The following CTXND1 variants were observed in gnomAD, a reference collection of about 807,000 sequenced individuals.
CTXND1 encodes the protein cortexin domain-containing 1 protein.
intron 1 of CTXND1, among the ~76,000 whole-genome samples, chr15:80,204,017 G>C (rs949969145): frequency 2.0e-5 from 3 of 150,656 alleles, no homozygotes; most frequent in Non-Finnish European, 4.4e-5. Context: ...AAAAAGTTTA[G>C]CCGGGCGTGG....
At chr15:80,216,264 G>A (rs1893251960) in intron 1 of CTXND1, among the ~76,000 whole-genome samples, 1 of 152,154 alleles carries the variant, frequency 6.6e-6, no homozygotes, top group South Asian at 2.1e-4. Flanking sequence ...ACTTCCTATT[G>A]ATAGTATTTC....
intron 1 of CTXND1, among the ~76,000 whole-genome samples, chr15:80,242,946 T>C (rs906871439): frequency 1.8e-4 from 27 of 152,226 alleles, no homozygotes; most frequent in Non-Finnish European, 2.9e-5. Context: ...AGAAGTAGGC[T>C]GTGAGTTAGA....
chr15:80,248,416 T>G (rs1893658702), intron 1 of CTXND1, among the ~76,000 whole-genome samples: 1 of 152,164 alleles, frequency 6.6e-6, no homozygotes, highest in Non-Finnish European at 1.5e-5. Flanking sequence ...GAAAGGTACA[T>G]TAGGGAAACA....
chr15:80,247,691 A>G (rs1453359738), intron 1 of CTXND1, among the ~76,000 whole-genome samples: 2 of 152,200 alleles, frequency 1.3e-5, no homozygotes, highest in Non-Finnish European at 2.9e-5. Flanking sequence ...GGGCATGCAT[A>G]TTGATTAACA....
chr15:80,236,181 T>C (rs1893493414), intron 1 of CTXND1, among the ~76,000 whole-genome samples: 1 of 152,018 alleles, frequency 6.6e-6, no homozygotes, highest in South Asian at 2.1e-4. Context: ...CATCTTCCTT[T>C]TACTTCCTTT....
Position 80,199,263 on chromosome 15 carries a change from T to C in CTXND1, c.*2507A>G, listed in dbSNP as rs1306707679. Reference sequence around the variant, plus strand: ...ACCTAGCGAATCTTGCTAATATACATTCTGTACGTAGGTCTGGAGGGGGCT... The same window carrying C: ...ACCTAGCGAATCTTGCTAATATACACTCTGTACGTAGGTCTGGAGGGGGCT... On this transcript the variant is annotated 3_prime_UTR_variant, in exon 3 of 3. Transcript: ENST00000560778. 1.3e-5 allele frequency: 2 copies of C among 152,206 alleles called. No individual in the cohort carries two copies. The highest frequency in any genetic ancestry group is 3.9e-4 in the East Asian group (2 of 5,190). 9.4% of individuals were successfully genotyped at this position (152,206 alleles called of 1,614,324 possible). A position where few individuals can be genotyped will look rare whatever the true frequency, so the allele number is the denominator to read the frequency against.
At position 80,212,523 on chromosome 15, in the gene CTXND1, C is replaced by T. The variant is rs1003784349; in HGVS notation, c.-217-8783G>A. Among the ~76,000 whole-genome samples, 6 of 152,134 alleles carry T rather than the reference C, an allele frequency of 3.9e-5. No homozygotes were observed. The East Asian group carries it at 1.2e-3, about 29-fold the overall frequency. ...GGATATTCACTGTTGGGAAAGTATG[C>T]TCTGGAGAGAAAGCCAAAGGTGGGA... On this transcript the variant is annotated intron_variant, in intron 1 of 2. Coordinates refer to ENST00000560778, the MANE Select transcript of CTXND1 (RefSeq NM_001352888.2).
At chr15:80,242,120 T>A (rs1009947482) in intron 1 of CTXND1, among the ~76,000 whole-genome samples, 23 of 152,140 alleles carry the variant, frequency 1.5e-4, no homozygotes, top group African/African-American at 5.1e-4. Context: ...TTATGTAGGT[T>A]GAGAGAGACA....
intron 1 of CTXND1, among the ~76,000 whole-genome samples, chr15:80,245,127 G>T (rs1893613953): frequency 1.3e-5 from 2 of 152,132 alleles, no homozygotes; most frequent in Admixed American, 6.5e-5. Flanking sequence ...ATTACACAGA[G>T]GGATCGTAAG....
chr15:80,215,440 A>T (rs1893243355), intron 1 of CTXND1, among the ~76,000 whole-genome samples: 1 of 152,204 alleles, frequency 6.6e-6, no homozygotes, highest in Non-Finnish European at 1.5e-5. Context: ...CGGTTTATTC[A>T]TGCCTTCCAG....
intron 1 of CTXND1, among the ~76,000 whole-genome samples, chr15:80,246,465 A>G (rs563387305): frequency 3.2e-4 from 49 of 152,352 alleles, no homozygotes; most frequent in Admixed American, 1.1e-3. Context: ...TGGACAGGGA[A>G]GCTTTGGCTA....
chr15:80,213,978 A>T (rs935021843), intron 1 of CTXND1, among the ~76,000 whole-genome samples: 2 of 152,126 alleles, frequency 1.3e-5, no homozygotes, highest in African/African-American at 2.4e-5. Flanking sequence ...GGAAAGGCAT[A>T]TAGAGAATAA....
chr15:80,226,307 G>T lies in CTXND1; in HGVS notation c.-217-22567C>A, dbSNP rs192379808. 1.8e-4 allele frequency among the ~76,000 whole-genome samples: 28 copies of T among 152,306 alleles called. No homozygotes were observed. In the East Asian group the frequency reaches 5.0e-3, roughly 27 times the overall value. ...CAACCTGCCTAAATCTGCTGCTGAG[G>T]TCTCAGGAGGGTCTTTTTGCTCAGT... On this transcript the variant is annotated intron_variant, in intron 1 of 2. Coordinates refer to ENST00000560778, the MANE Select transcript of CTXND1 (RefSeq NM_001352888.2).
At chr15:80,230,017 C>A (rs78712434) in intron 1 of CTXND1, among the ~76,000 whole-genome samples, 2,525 of 152,238 alleles carry the variant, frequency 0.017, 64 homozygotes, top group African/African-American at 0.057. Context: ...GACTCCTGGT[C>A]ATGTTCAGAA....
intron 1 of CTXND1, among the ~76,000 whole-genome samples, chr15:80,231,404 G>GA (rs57955140): frequency 0.031 from 4,160 of 134,866 alleles, 163 homozygotes; most frequent in African/African-American, 0.1. Context: ...AAAAAGAAAA[G>GA]AAAAAAAAAA....
chr15:80,212,540 A>G (rs751732218), intron 1 of CTXND1, among the ~76,000 whole-genome samples: 1 of 152,186 alleles, frequency 6.6e-6, no homozygotes, highest in Non-Finnish European at 1.5e-5. Flanking sequence ...GAGAAAGCCA[A>G]AGGTGGGACT....
intron 2 of CTXND1, 66 bp from the exon 3 acceptor site, chr15:80,202,080 C>G (rs967611042): frequency 5.3e-5 from 21 of 397,226 alleles, no homozygotes; most frequent in African/African-American, 3.7e-4. Context: ...GATTGCAGGG[C>G]ACCAACCTCT....
At chr15:80,202,138 C>A in intron 2 of CTXND1, 124 bp from the exon 3 acceptor site, 1 of 389,318 alleles carries the variant, frequency 2.6e-6, no homozygotes, top group Non-Finnish European at 4.5e-6. Context: ...CTGCTCAGAC[C>A]ACCCTGCAGG....
At chr15:80,250,513 C>A (rs1007253269) in intron 1 of CTXND1, among the ~76,000 whole-genome samples, 3 of 152,086 alleles carry the variant, frequency 2.0e-5, no homozygotes, top group Non-Finnish European at 4.4e-5. Context: ...GCATGCCGTT[C>A]AAAAATCATA....
Sources: gnomAD v4.1 joint callset for allele counts (sites outside exome capture counted in the v4.1 genomes callset) on GRCh38, gnomAD v4.1.1 for gene constraint, MANE v1.5 for transcripts, NCBI Gene and HGNC (gene_info 2026-07-23, HGNC 2026-07-21) for gene names.